Variants in NIN observed in about 807,000 individuals in gnomAD.
NIN encodes the protein ninein, also known as glycogen synthase kinase 3 beta-interacting protein.
Under a neutral mutation model 257.6 loss-of-function variants are expected in NIN, and 137 were observed. That is an observed-to-expected ratio of 0.53 (90% CI 0.46 to 0.61). The LOEUF (loss-of-function observed/expected upper bound fraction) is 0.61. Among genes scored for constraint, NIN ranks in the 20% least tolerant of loss-of-function variants. The pLI, the probability that NIN is intolerant of heterozygous loss-of-function variation, is 0.00. For missense variants in NIN, 2,439 were observed against 2,501.2 expected (o/e 0.98, Z 0.53); for synonymous variants, 918 against 919.8 (o/e 1.00, Z 0.04).
intron 3 of NIN, among the ~76,000 whole-genome samples, chr14:50,817,818 C>G (rs1257334122): frequency 6.6e-6 from 1 of 152,088 alleles, no homozygotes; most frequent in Non-Finnish European, 1.5e-5. Flanking sequence ...CGAGTTCAAG[C>G]AATTCTCCTG....
rs1476446928 is a variant in NIN, at chr14:50,763,772, G to C, written c.1774+54C>G. 5.4e-6 allele frequency: 8 copies of C among 1,493,434 alleles called. No homozygotes were observed. The South Asian group carries it at 7.6e-5, about 14-fold the overall frequency. 92.5% of individuals were successfully genotyped at this position (1,493,434 alleles called of 1,614,324 possible). On this transcript the variant is annotated intron_variant, in intron 15 of 30. Transcript: ENST00000530997. The stretch of plus-strand genomic sequence containing the variant: ...GCTTTGCAATTTTATATTGAACCAC[G>C]TTTCTAAAAACAAGAGTAAAGGCTT...
intron 5 of NIN, among the ~76,000 whole-genome samples, chr14:50,781,572 C>A (rs1338262836): frequency 6.6e-6 from 1 of 152,180 alleles, no homozygotes; most frequent in Non-Finnish European, 1.5e-5. Flanking sequence ...TGCCTTCTTC[C>A]CTGGATTCTT....
intron 22 of NIN, among the ~76,000 whole-genome samples, chr14:50,746,831 A>G (rs1338957488): frequency 6.6e-6 from 1 of 152,144 alleles, no homozygotes; most frequent in Non-Finnish European, 1.5e-5. Context: ...CCTCTTTCAT[A>G]TTTTCATATT....
chr14:50,793,281 A>G (rs17122896), intron 4 of NIN, among the ~76,000 whole-genome samples: 27,474 of 151,816 alleles, frequency 0.18, 2,873 homozygotes, highest in African/African-American at 0.28. Flanking sequence ...TGGTAATACA[A>G]CAGACACCAA....
Position 50,754,600 on chromosome 14 carries a change from G to C in NIN, c.4697C>G (p.Ala1566Gly), listed in dbSNP as rs1171176138. 6.2e-7 allele frequency: 1 copy of C among 1,610,934 alleles called. No homozygotes were observed. Among genetic ancestry groups the C allele is most frequent in the Admixed American group, 1.7e-5 (1 of 59,676 alleles). Residue 1566 changes from alanine (A) to glycine (G), a missense_variant, in exon 20 of 31, where the codon GCT becomes GGT. Coordinates refer to ENST00000530997, the MANE Select transcript of NIN (RefSeq NM_020921.4). ...QKTETVKQEN[A>G]AVQKMVENLK... ...ATTTTCAACCATCTTCTGAACTGCA[G>C]CATTTTCTTGTTTTACAGTTTCCGT...
rs556379093 is a variant in NIN at position 50,790,452 on chromosome 14, G to A, written c.435+2260C>T. Reference sequence around the variant, plus strand: ...TTTAGGCAAGAAAGCAGTTGGATGAGCTTTGGTGTGAGTCCACTTTTGGTA... The same window carrying A: ...TTTAGGCAAGAAAGCAGTTGGATGAACTTTGGTGTGAGTCCACTTTTGGTA... On this transcript the variant is annotated intron_variant, in intron 5 of 30. Transcript: ENST00000530997. 4.6e-5 allele frequency among the ~76,000 whole-genome samples: 7 copies of A among 152,310 alleles called. No individual in the cohort carries two copies. The South Asian group carries it at 1.4e-3, about 32-fold the overall frequency.
At chr14:50,807,362 G>A (rs960023860) in intron 3 of NIN, among the ~76,000 whole-genome samples, 1 of 152,058 alleles carries the variant, frequency 6.6e-6, no homozygotes, top group African/African-American at 2.4e-5. Flanking sequence ...AATGCACAAA[G>A]GATAAAAGAA....
intron 14 of NIN, among the ~76,000 whole-genome samples, chr14:50,764,539 T>C (rs2042398449): frequency 6.6e-6 from 1 of 152,166 alleles, no homozygotes; most frequent in Non-Finnish European, 1.5e-5. Flanking sequence ...CAAATTTTCA[T>C]AGCTGCGTTA....
At chr14:50,739,889 AG>A (rs1233918186) in intron 25 of NIN, among the ~76,000 whole-genome samples, 5 of 152,264 alleles carry the variant, frequency 3.3e-5, no homozygotes, top group African/African-American at 1.2e-4. Context: ...CATAAAGAGA[AG>A]GCTGAAATGC....
intron 22 of NIN, among the ~76,000 whole-genome samples, chr14:50,746,199 T>C (rs2041530046): frequency 6.6e-6 from 1 of 152,166 alleles, no homozygotes; most frequent in African/African-American, 2.4e-5. Flanking sequence ...ATCTAAAGGC[T>C]GAACAACAGA....
Position 50,758,616 on chromosome 14 carries a change from G to C in NIN, c.2414C>G (p.Thr805Arg), listed in dbSNP as rs1053236280. ...TTGAGAGGTTCTTCTATTACACTCT[G>C]TTTCCATTTTTTCCCTAAATATAGT... is the stretch of plus-strand genomic sequence containing the variant. ...ELQEGREKME[T>R]ECNRRTSQIE... The change falls in exon 18 of 31, where the codon ACA becomes AGA. Residue 805 changes from threonine to arginine, a missense_variant. This residue lies in a region of NIN where 2,043 missense variants were observed against 2,050.2 expected (regional missense o/e 1.00). Coordinates refer to ENST00000530997, the MANE Select transcript of NIN (RefSeq NM_020921.4). 1 of 1,561,346 alleles carries C rather than the reference G, an allele frequency of 6.4e-7. No individual in the cohort carries two copies.
intron 5 of NIN, among the ~76,000 whole-genome samples, chr14:50,790,872 G>T (rs2043560232): frequency 6.6e-6 from 1 of 152,038 alleles, no homozygotes; most frequent in East Asian, 1.9e-4. Flanking sequence ...ATCTCCCTGG[G>T]CACCAGTAGA....
chr14:50,745,991 G>C (rs890114481), intron 22 of NIN, among the ~76,000 whole-genome samples: 1 of 149,838 alleles, frequency 6.7e-6, no homozygotes, highest in African/African-American at 2.5e-5. Context: ...AGGCAGACCA[G>C]GCTCACAATT....
intron 3 of NIN, among the ~76,000 whole-genome samples, chr14:50,807,832 T>C (rs908518893): frequency 2.0e-5 from 3 of 152,224 alleles, no homozygotes; most frequent in African/African-American, 7.2e-5. Flanking sequence ...AGGAATTCAT[T>C]TATATGTCAT....
chr14:50,749,207 G>C (rs910972275), intron 21 of NIN, among the ~76,000 whole-genome samples: 1 of 152,128 alleles, frequency 6.6e-6, no homozygotes, highest in African/African-American at 2.4e-5. Context: ...ACAAGAAATG[G>C]GGAAAGGATT....
Position 50,772,288 on chromosome 14 carries a change from T to G in NIN, c.981+13A>C, listed in dbSNP as rs1292579480. ...CTCCAGTTTGTCATTTTTCTCAATT[T>G]TAGCTGCCACACCTTCAGGATCTCC... is the stretch of plus-strand genomic sequence containing the variant. On this transcript the variant is annotated intron_variant, in intron 9 of 30. Transcript: ENST00000530997. 6.4e-7 allele frequency: 1 copy of G among 1,571,310 alleles called. No homozygotes were observed. Among genetic ancestry groups the G allele is most frequent in the Non-Finnish European group, 8.7e-7 (1 of 1,150,058 alleles).
Position 50,744,368 on chromosome 14 carries a change from G to T in NIN, c.5065-3C>A. 6.2e-7 allele frequency: 1 copy of T among 1,613,460 alleles called. No homozygotes were observed. The highest frequency in any genetic ancestry group is 1.3e-5 in the African/African-American group (1 of 74,996). On this transcript the variant is annotated splice_region_variant and splice_polypyrimidine_tract_variant and intron_variant, in intron 22 of 30. Transcript: ENST00000530997. The stretch of plus-strand genomic sequence containing the variant: ...GAGAGATCGGGACATCTGTGCAGCT[G>T]TAAGAGATAAACAAATGAGCCCTCC...
intron 7 of NIN, among the ~76,000 whole-genome samples, chr14:50,776,674 G>A (rs1355104332): frequency 2.0e-5 from 3 of 152,152 alleles, no homozygotes; most frequent in Non-Finnish European, 4.4e-5. Flanking sequence ...CTGACATCAT[G>A]GCTACAGAGA....
chr14:50,811,119 T>C (rs1189354308), intron 3 of NIN, among the ~76,000 whole-genome samples: 1 of 151,736 alleles, frequency 6.6e-6, no homozygotes, highest in Non-Finnish European at 1.5e-5. Context: ...TACTTTTTTT[T>C]TTTTTTCAGA....
Sources: allele counts gnomAD v4.1 joint callset (sites outside exome capture counted in the v4.1 genomes callset), GRCh38; gene constraint gnomAD v4.1.1; regional missense constraint gnomAD v4.1.1; transcripts MANE v1.5; gene names NCBI Gene and HGNC (gene_info 2026-07-23, HGNC 2026-07-21).